Variants in ASTN2 observed in about 807,000 individuals in gnomAD.
The protein encoded by ASTN2 is astrotactin-2.
Under a neutral mutation model 139.8 loss-of-function variants are expected in ASTN2, and 54 were observed. The ratio of observed to expected loss-of-function variants is 0.39; its 90% CI spans 0.31 to 0.48. The LOEUF (loss-of-function observed/expected upper bound fraction) is 0.48, where lower values mean the gene tolerates loss of function less well. Among genes scored for constraint, ASTN2 ranks in the 20% least tolerant of loss-of-function variants. The probability of loss-of-function intolerance (pLI) is 0.95; values close to 1 mark genes in which losing one functional copy is unlikely to be tolerated. For missense variants in ASTN2, 1,565 were observed against 1,725.1 expected (o/e 0.91, Z 1.64); for synonymous variants, 756 against 719.5 (o/e 1.05, Z -0.81).
At chr9:117,398,889 C>T (rs1830748665) in intron 1 of ASTN2, among the ~76,000 whole-genome samples, 2 of 152,204 alleles carry the variant, frequency 1.3e-5, no homozygotes, top group Non-Finnish European at 2.9e-5. Context: ...TCAAGCAATT[C>T]TCCTACCTCA....
At chr9:117,097,737 A>G (rs1828874391) in intron 4 of ASTN2, among the ~76,000 whole-genome samples, 1 of 152,236 alleles carries the variant, frequency 6.6e-6, no homozygotes, top group African/African-American at 2.4e-5. Context: ...AAAAACATAC[A>G]TTAAAGGGAA....
rs950154034 is a variant in ASTN2 at position 117,322,936 on chromosome 9, C to T, written c.443-31423G>A. 3.1e-4 allele frequency among the ~76,000 whole-genome samples: 47 copies of T among 152,140 alleles called. 1 individual carries two copies. Among genetic ancestry groups the T allele is most frequent in the Non-Finnish European group, 3.2e-4 (22 of 68,030 alleles). On this transcript the variant is annotated intron_variant, in intron 1 of 22. Coordinates refer to ENST00000313400, the MANE Select transcript of ASTN2 (RefSeq NM_001365068.1). ...CAACCTTTCCAGTAATGGGGACCTTCGGGGCTGAAATAAGAACAATAATTT... is the reference window on the plus strand; with the variant it reads ...CAACCTTTCCAGTAATGGGGACCTTTGGGGCTGAAATAAGAACAATAATTT...
intron 16 of ASTN2, among the ~76,000 whole-genome samples, chr9:116,687,534 T>A (rs1047578564): frequency 1.2e-4 from 1 of 8,256 alleles, no homozygotes; most frequent in Non-Finnish European, 2.6e-4. Flanking sequence ...AGGACTAGGG[T>A]GGGGGTGGGG....
chr9:117,166,174 AT>A (rs1830666508), intron 3 of ASTN2, among the ~76,000 whole-genome samples: 1 of 152,232 alleles, frequency 6.6e-6, no homozygotes, highest in African/African-American at 2.4e-5. Context: ...TCTGCATAAC[AT>A]TGTATAATTC....
At chr9:116,985,512 C>A (rs1230395862) in intron 7 of ASTN2, among the ~76,000 whole-genome samples, 1 of 152,200 alleles carries the variant, frequency 6.6e-6, no homozygotes, top group Non-Finnish European at 1.5e-5. Context: ...AGGTTCTCAG[C>A]CAGGGTAACC....
At chr9:117,315,925 T>A (rs1828129682) in intron 1 of ASTN2, among the ~76,000 whole-genome samples, 1 of 152,202 alleles carries the variant, frequency 6.6e-6, no homozygotes, top group South Asian at 2.1e-4. Flanking sequence ...TGTGGGCAGA[T>A]GGTAGTCATA....
chr9:116,442,544 C>T lies in ASTN2; in HGVS notation c.3507G>A (p.Leu1169=). 5 of 1,614,120 alleles carry T rather than the reference C, an allele frequency of 3.1e-6. No individual in the cohort carries two copies. The highest frequency in any genetic ancestry group is 4.2e-6 in the Non-Finnish European group (5 of 1,179,994). The change falls in exon 21 of 23, where the codon CTG becomes CTA. Residue 1169 remains leucine, a synonymous_variant. Coordinates refer to ENST00000313400, the MANE Select transcript of ASTN2 (RefSeq NM_001365068.1). Reference sequence around the variant, plus strand: ...GCCTCCCTCGTGTATCCACAGCATACAGAGTGAACCTGCAGCACAGCAAGA... The same window carrying T: ...GCCTCCCTCGTGTATCCACAGCATATAGAGTGAACCTGCAGCACAGCAAGA... ...LEPDGLYKFT[L]YAVDTRGRHS...
At chr9:117,407,105 A>T (rs932063620) in intron 1 of ASTN2, among the ~76,000 whole-genome samples, 35 of 152,290 alleles carry the variant, frequency 2.3e-4, no homozygotes, top group African/African-American at 7.9e-4. Flanking sequence ...AAAAGGCTTC[A>T]AAAATAAGTT....
chr9:117,369,263 T>C (rs752155927), intron 1 of ASTN2, among the ~76,000 whole-genome samples: 3 of 152,152 alleles, frequency 2.0e-5, no homozygotes, highest in Non-Finnish European at 4.4e-5. Flanking sequence ...ATTATAATGA[T>C]TCATTATATT....
intron 13 of ASTN2, among the ~76,000 whole-genome samples, chr9:116,803,476 C>T (rs1486781221): frequency 2.7e-5 from 3 of 112,068 alleles, no homozygotes; most frequent in South Asian, 3.2e-4. Flanking sequence ...CCACCAAGTT[C>T]GAATAATATA....
intron 2 of ASTN2, among the ~76,000 whole-genome samples, chr9:117,244,684 A>G (rs7469035): frequency 0.94 from 121,625 of 129,316 alleles, 57,811 homozygotes; most frequent in Non-Finnish European, 1. Flanking sequence ...ATGGAAGGAC[A>G]GAAGGAAGGA....
intron 3 of ASTN2, among the ~76,000 whole-genome samples, chr9:117,160,343 G>A (rs1288028082): frequency 1.3e-5 from 2 of 151,938 alleles, no homozygotes; most frequent in African/African-American, 4.8e-5. Context: ...ATGTGACCTG[G>A]AGCAAGGTAG....
intron 3 of ASTN2, among the ~76,000 whole-genome samples, chr9:117,163,185 G>C (rs1210832267): frequency 3.9e-5 from 6 of 152,080 alleles, no homozygotes; most frequent in Non-Finnish European, 8.8e-5. Context: ...GCCTTCCTCA[G>C]CTCCCAAGAC....
At chr9:116,779,965 G>A (rs1407247567) in intron 13 of ASTN2, among the ~76,000 whole-genome samples, 1 of 152,068 alleles carries the variant, frequency 6.6e-6, no homozygotes, top group Admixed American at 6.5e-5. Context: ...ATATATTCAT[G>A]TTTATGTATC....
At chr9:116,584,287 A>T (rs1202105315) in intron 19 of ASTN2, 1 of 151,830 alleles carries the variant, frequency 6.6e-6, no homozygotes. Context: ...TAGGAGGACC[A>T]TGGGGGTGAA....
intron 17 of ASTN2, 41 bp downstream of exon 17, chr9:116,651,487 C>A (rs781780841): frequency 2.5e-6 from 4 of 1,597,908 alleles, no homozygotes; most frequent in South Asian, 2.2e-5. Flanking sequence ...GGTAGGAGGG[C>A]TGGTCAAGTT....
intron 16 of ASTN2, among the ~76,000 whole-genome samples, chr9:116,711,151 G>A (rs1828143684): frequency 1.3e-5 from 2 of 152,210 alleles, no homozygotes; most frequent in African/African-American, 4.8e-5. Context: ...AAATGCTCAA[G>A]CAACAACCCT....
intron 19 of ASTN2, among the ~76,000 whole-genome samples, chr9:116,518,920 T>C (rs901371394): frequency 2.6e-5 from 4 of 152,116 alleles, no homozygotes; most frequent in Admixed American, 6.6e-5. Flanking sequence ...GTACATTATA[T>C]AATGATTAAA....
chr9:116,612,755 C>T (rs1317649805), intron 19 of ASTN2: 2 of 151,892 alleles, frequency 1.3e-5, no homozygotes, highest in Non-Finnish European at 2.9e-5. Context: ...TAAATGCCCA[C>T]AGGAGAAAGC....
Sources: gnomAD v4.1 joint callset for allele counts (sites outside exome capture counted in the v4.1 genomes callset) on GRCh38, gnomAD v4.1.1 for gene constraint, MANE v1.5 for transcripts, NCBI Gene and HGNC (gene_info 2026-07-23, HGNC 2026-07-21) for gene names.